LRP1B: variants seen among roughly 807,000 people sequenced by gnomAD.
LRP1B encodes the protein low-density lipoprotein receptor-related protein 1B.
In LRP1B, 217 loss-of-function variants were observed where a neutral mutation model predicts 556.6. The observed-to-expected ratio is 0.39, with a 90% CI of 0.35 to 0.44. The LOEUF is 0.44. Among genes scored for constraint, LRP1B ranks in the 20% least tolerant of loss-of-function variants. LRP1B has a pLI of 1.00. For synonymous variants in LRP1B, 2,047 were observed against 1,865.8 expected (o/e 1.10, Z -2.50); for missense variants, 5,053 against 5,620.8 (o/e 0.90, Z 3.23).
intron 7 of LRP1B, among the ~76,000 whole-genome samples, chr2:141,074,683 A>T (rs1699742001): frequency 3.3e-5 from 5 of 150,480 alleles, no homozygotes. Context: ...CTCTTTATAA[A>T]TTTCCTCATA....
At chr2:140,391,681 C>T (rs939142662) in intron 66 of LRP1B, among the ~76,000 whole-genome samples, 3 of 151,918 alleles carry the variant, frequency 2.0e-5, no homozygotes, top group African/African-American at 7.3e-5. Flanking sequence ...CAAAACAAAA[C>T]AAAAACAAAC....
intron 67 of LRP1B, among the ~76,000 whole-genome samples, chr2:140,381,119 C>T (rs1405020815): frequency 6.6e-6 from 1 of 151,954 alleles, no homozygotes; most frequent in Non-Finnish European, 1.5e-5. Flanking sequence ...AATCTTTTGC[C>T]ACTAGATAGC....
intron 18 of LRP1B, among the ~76,000 whole-genome samples, chr2:140,976,503 C>CTTTTTTTTTTTTTT (rs1216208854): frequency 2.8e-5 from 3 of 105,356 alleles, no homozygotes; most frequent in African/African-American, 4.0e-5. Context: ...TTTTTTTTTC[C>CTTTTTTTTTTTTTT]TTTTTTTTTT....
At chr2:141,780,280 G>A (rs568150987) in intron 2 of LRP1B, among the ~76,000 whole-genome samples, 2 of 151,968 alleles carry the variant, frequency 1.3e-5, no homozygotes, top group Admixed American at 1.3e-4. Flanking sequence ...TTAAAAAGTA[G>A]TAGTTTTAAA....
chr2:140,364,607 G>C (rs1009812659), intron 72 of LRP1B, 54 bp downstream of exon 72: 26 of 1,587,164 alleles, frequency 1.6e-5, no homozygotes, highest in Non-Finnish European at 2.1e-5. Flanking sequence ...ATTCATGCTG[G>C]TGCCTGAGAT....
chr2:140,408,469 T>G (rs1684841378), intron 66 of LRP1B, among the ~76,000 whole-genome samples: 1 of 152,006 alleles, frequency 6.6e-6, no homozygotes, highest in South Asian at 2.1e-4. Flanking sequence ...TATATGTTAA[T>G]AGCTAAGTGG....
chr2:140,389,590 G>A (rs1683918979), intron 66 of LRP1B, among the ~76,000 whole-genome samples: 1 of 150,468 alleles, frequency 6.6e-6, no homozygotes, highest in Non-Finnish European at 1.5e-5. Flanking sequence ...TTTTTATACT[G>A]AAGACTATAA....
At chr2:141,590,105 ATGGTT>A (rs1687282999) in intron 2 of LRP1B, among the ~76,000 whole-genome samples, 4 of 152,202 alleles carry the variant, frequency 2.6e-5, no homozygotes, top group Middle Eastern at 3.4e-3. Flanking sequence ...AGAAAAAAAA[ATGGTT>A]ATTTTTACTT....
chr2:140,575,826 G>A (rs1380655802), intron 43 of LRP1B, among the ~76,000 whole-genome samples: 2 of 152,024 alleles, frequency 1.3e-5, no homozygotes, highest in African/African-American at 4.8e-5. Flanking sequence ...TCGGGAGGCT[G>A]AGGCAGGAGT....
chr2:140,924,756 C>G (rs890388422), intron 20 of LRP1B, among the ~76,000 whole-genome samples: 1 of 152,090 alleles, frequency 6.6e-6, no homozygotes, highest in Non-Finnish European at 1.5e-5. Flanking sequence ...TTCATTCTCA[C>G]TTTGAACATA....
intron 2 of LRP1B, among the ~76,000 whole-genome samples, chr2:141,735,457 A>G (rs780938245): frequency 7.0e-6 from 1 of 142,822 alleles, no homozygotes. Flanking sequence ...AGATGGAACT[A>G]TAAGCAAATC....
At chr2:141,418,747 A>AT (rs371964178) in intron 3 of LRP1B, among the ~76,000 whole-genome samples, 4,457 of 150,388 alleles carry the variant, frequency 0.03, 201 homozygotes, top group African/African-American at 0.1. Context: ...GAATTTTAGA[A>AT]TTTTTTTTTT....
chr2:140,657,741 A>G (rs1255007754), intron 41 of LRP1B, among the ~76,000 whole-genome samples: 5 of 151,440 alleles, frequency 3.3e-5, no homozygotes, highest in Admixed American at 3.3e-4. Context: ...TTGAGGTATT[A>G]TTTTAATGTA....
intron 11 of LRP1B, among the ~76,000 whole-genome samples, chr2:141,032,552 T>C (rs1698403182): frequency 6.6e-6 from 1 of 152,054 alleles, no homozygotes; most frequent in South Asian, 2.1e-4. Flanking sequence ...ATTCTGTTGA[T>C]TTACATTTTT....
chr2:141,798,663 T>C lies in LRP1B; in HGVS notation c.205+11616A>G, dbSNP rs200350627. 3.2e-5 allele frequency among the ~76,000 whole-genome samples: 4 copies of C among 125,624 alleles called. No homozygotes were observed. The East Asian group carries it at 9.4e-4, about 29-fold the overall frequency. The allele number at this position is 125,624 out of a possible 152,430, so 82.4% of individuals were successfully genotyped here. A position where few individuals can be genotyped will look rare whatever the true frequency, so the allele number is the denominator to read the frequency against. Reference sequence around the variant, plus strand: ...TAGACATTGCAGGGAGCCGAGATGGTGCCACTGCACTCCAGCCTGGCAACA... The same window carrying C: ...TAGACATTGCAGGGAGCCGAGATGGCGCCACTGCACTCCAGCCTGGCAACA... On this transcript the variant is annotated intron_variant, in intron 2 of 90. Coordinates refer to ENST00000389484, the MANE Select transcript of LRP1B (RefSeq NM_018557.3).
At chr2:141,325,042 C>G (rs1687382557) in intron 3 of LRP1B, among the ~76,000 whole-genome samples, 1 of 151,986 alleles carries the variant, frequency 6.6e-6, no homozygotes, top group African/African-American at 2.4e-5. Context: ...AGAAAGGACT[C>G]TTCTTGCAAA....
In LRP1B at chr2:140,963,446, TATATATA is replaced by T. The variant is rs1696099625; in HGVS notation, c.2888-11513_2888-11507del. On this transcript the variant is annotated intron_variant, in intron 18 of 90. Transcript: ENST00000389484. Reference sequence around the variant, plus strand: ...GTGTGTGCATGTACATGCATATTTATATATATATATATATTTTTAACCAATGGAGATA... The same window carrying T: ...GTGTGTGCATGTACATGCATATTTATTATATATTTTTAACCAATGGAGATA... 6.5e-5 allele frequency among the ~76,000 whole-genome samples: 7 copies of T among 107,008 alleles called. No individual in the cohort carries two copies. In the South Asian group the frequency reaches 1.3e-3, roughly 20 times the overall value. 70.2% of individuals were successfully genotyped at this position (107,008 alleles called of 152,430 possible).
At chr2:140,517,844 A>T (rs1420250346) in intron 49 of LRP1B, among the ~76,000 whole-genome samples, 8 of 151,520 alleles carry the variant, frequency 5.3e-5, no homozygotes, top group South Asian at 2.1e-4. Context: ...CTGAATAGCT[A>T]GGACTACAGG....
intron 2 of LRP1B, among the ~76,000 whole-genome samples, chr2:141,499,932 T>C (rs1196347900): frequency 6.6e-6 from 1 of 152,044 alleles, no homozygotes; most frequent in Non-Finnish European, 1.5e-5. Context: ...GGGATCAGAA[T>C]ATTCTACCCC....
Sources: gnomAD v4.1 joint callset for allele counts (sites outside exome capture counted in the v4.1 genomes callset) on GRCh38, gnomAD v4.1.1 for gene constraint, MANE v1.5 for transcripts, NCBI Gene and HGNC (gene_info 2026-07-23, HGNC 2026-07-21) for gene names.